The following NECAB1 variants were observed in gnomAD, a reference collection of about 807,000 sequenced individuals.
NECAB1 encodes N-terminal EF-hand calcium binding protein 1.
In NECAB1, 29 loss-of-function variants were observed where a neutral mutation model predicts 57.5. The observed-to-expected ratio is 0.50, with a 90% confidence interval of 0.38 to 0.69. The LOEUF (loss-of-function observed/expected upper bound fraction) is 0.69, where lower values mean the gene tolerates loss of function less well. NECAB1 is among the 30% of genes least tolerant of loss of function. The probability of loss-of-function intolerance (pLI) is 0.00; values close to 1 mark genes in which losing one functional copy is unlikely to be tolerated. For missense variants in NECAB1, 372 were observed against 413.8 expected (o/e 0.90, Z 0.88); for synonymous variants, 142 against 147.7 (o/e 0.96, Z 0.28).
At position 90,917,720 on chromosome 8, in the gene NECAB1, TAA is replaced by T. The variant is rs985295469; in HGVS notation, c.494+97_494+98del. ...GCATTGTACTTACACTAGCAAAAAC[TAA>T]AAAAGAGAATTGATATATTTAAAAA... On this transcript the variant is annotated intron_variant, in intron 6 of 12. Coordinates refer to ENST00000417640, the MANE Select transcript of NECAB1 (RefSeq NM_022351.5). 5 of 1,218,420 alleles carry T rather than the reference TAA, an allele frequency of 4.1e-6. No homozygotes were observed. In the African/African-American group the frequency reaches 4.6e-5, roughly 11 times the overall value. 75.5% of individuals were successfully genotyped at this position (1,218,420 alleles called of 1,614,324 possible).
intron 9 of NECAB1, among the ~76,000 whole-genome samples, chr8:90,938,671 G>A (rs1359026724): frequency 6.6e-6 from 1 of 152,170 alleles, no homozygotes; most frequent in African/African-American, 2.4e-5. Context: ...ACTATCTTAG[G>A]AAAGGAGGGG....
At chr8:90,906,885 A>ATATGTATATATATATATATATATGTATG (rs1554574058) in intron 5 of NECAB1, among the ~76,000 whole-genome samples, 2 of 120,926 alleles carry the variant, frequency 1.7e-5, no homozygotes, top group African/African-American at 7.0e-5. Flanking sequence ...ACATATATAT[A>ATATGTATATATATATATATATATGTATG]TATATATATA....
intron 3 of NECAB1, among the ~76,000 whole-genome samples, chr8:90,840,984 G>C (rs770648437): frequency 5.3e-5 from 8 of 151,266 alleles, no homozygotes; most frequent in Non-Finnish European, 1.0e-4. Flanking sequence ...AAAGCCGGGC[G>C]CAGTGGCTCA....
intron 9 of NECAB1, among the ~76,000 whole-genome samples, chr8:90,935,526 T>A (rs1316884145): frequency 6.6e-6 from 1 of 152,114 alleles, no homozygotes; most frequent in Non-Finnish European, 1.5e-5. Flanking sequence ...ATATACATAC[T>A]AAGAATAGCG....
At chr8:90,941,896 C>G (rs143465371) in intron 10 of NECAB1, among the ~76,000 whole-genome samples, 2 of 152,156 alleles carry the variant, frequency 1.3e-5, no homozygotes, top group African/African-American at 4.8e-5. Context: ...CAAGTCTAAC[C>G]CTACCTTATG....
chr8:90,895,132 G>A (rs540713404), intron 5 of NECAB1, among the ~76,000 whole-genome samples: 1 of 152,158 alleles, frequency 6.6e-6, no homozygotes, highest in South Asian at 2.1e-4. Context: ...ATTATCAAAA[G>A]TAAACAGAAA....
rs138273230 is a variant in NECAB1 at position 90,870,091 on chromosome 8, C to T, written c.234-2037C>T. On this transcript the variant is annotated intron_variant, in intron 3 of 12. Transcript: ENST00000417640. The stretch of plus-strand genomic sequence containing the variant: ...CTTCACTCTCTCTCTCTTCCTCCTG[C>T]TCCCACCATGTAAGAGGTGTTCACT... Among the ~76,000 whole-genome samples, 467 of 152,288 alleles carry T rather than the reference C, an allele frequency of 3.1e-3. 3 individuals are homozygous for T. The highest frequency in any genetic ancestry group is 6.8e-3 in the Middle Eastern group (2 of 294).
Position 90,893,178 on chromosome 8 carries a change from C to T in NECAB1, c.357+12048C>T, listed in dbSNP as rs189606207. ...TCCTCTAATATTCCTGGTGATACTA[C>T]GGGACTTAGCTTAACTGTCACTTCC... On this transcript the variant is annotated intron_variant, in intron 5 of 12. Coordinates refer to ENST00000417640, the MANE Select transcript of NECAB1 (RefSeq NM_022351.5). Among the ~76,000 whole-genome samples the T allele has an allele frequency of 4.4e-4, 67 of 152,132 alleles. No individual in the cohort carries two copies. In the East Asian group the frequency reaches 4.7e-3, roughly 11 times the overall value.
At position 90,881,406 on chromosome 8, in the gene NECAB1, T is replaced by C. The variant is rs375992882; in HGVS notation, c.357+276T>C. On this transcript the variant is annotated intron_variant, in intron 5 of 12. Transcript: ENST00000417640. ...AGTGTGTTAACTAAGTAGTATGTTTTGGATCTTGTCCCTCCCCAAATCCCA... is the reference window on the plus strand; with the variant it reads ...AGTGTGTTAACTAAGTAGTATGTTTCGGATCTTGTCCCTCCCCAAATCCCA... 9.2e-5 allele frequency among the ~76,000 whole-genome samples: 14 copies of C among 152,328 alleles called. No individual in the cohort carries two copies. The East Asian group carries it at 1.2e-3, about 13-fold the overall frequency.
chr8:90,908,046 T>C (rs1166574030), intron 5 of NECAB1, among the ~76,000 whole-genome samples: 2 of 152,196 alleles, frequency 1.3e-5, no homozygotes, highest in Non-Finnish European at 2.9e-5. Context: ...AGAGATCATA[T>C]ATGATATTTT....
intron 8 of NECAB1, 58 bp downstream of exon 8, chr8:90,928,357 A>G: frequency 7.6e-7 from 1 of 1,317,756 alleles, no homozygotes; most frequent in Non-Finnish European, 1.1e-6. Context: ...GTTACCTAAT[A>G]TTCCCCATTG....
At chr8:90,848,202 C>T (rs1812605114) in intron 3 of NECAB1, among the ~76,000 whole-genome samples, 1 of 152,228 alleles carries the variant, frequency 6.6e-6, no homozygotes, top group Non-Finnish European at 1.5e-5. Context: ...TGCCAGCAGT[C>T]TATTTGCTAA....
chr8:90,867,740 T>C (rs1460320089), intron 3 of NECAB1, among the ~76,000 whole-genome samples: 1 of 152,236 alleles, frequency 6.6e-6, no homozygotes, highest in Non-Finnish European at 1.5e-5. Context: ...TAAAAGTAAA[T>C]ATAAATACAA....
At chr8:90,924,697 A>G (rs1001065210) in intron 6 of NECAB1, among the ~76,000 whole-genome samples, 1 of 152,294 alleles carries the variant, frequency 6.6e-6, no homozygotes, top group South Asian at 2.1e-4. Context: ...CCATGTTCAC[A>G]TTCCAACCAG....
chr8:90,938,866 G>A (rs980853131), intron 9 of NECAB1, among the ~76,000 whole-genome samples: 6 of 152,174 alleles, frequency 3.9e-5, no homozygotes, highest in African/African-American at 1.4e-4. Flanking sequence ...TTGCAGGTAG[G>A]CAATTTAGGC....
In NECAB1 at chr8:90,934,355, T is replaced by G. The variant is rs1278784897; in HGVS notation, c.745T>G (p.Ser249Ala). ...EEEIIEGNTKSHIMLVQRQMS... is the reference protein window; with the variant it reads ...EEEIIEGNTKAHIMLVQRQMS... ...AGAAATTATTGAAGGGAATACTAAA[T>G]CTGTAAGTATTTTTATCAGGTAAAA... The change falls in exon 9 of 13, where the codon TCT (serine) becomes GCT (alanine). Residue 249 changes from serine to alanine, a missense_variant and splice_region_variant. By Grantham distance (99) the Ser-to-Ala change is moderately conservative. Coordinates refer to ENST00000417640, the MANE Select transcript of NECAB1 (RefSeq NM_022351.5). The G allele has an allele frequency of 2.7e-6, 4 of 1,484,972 alleles. No homozygotes were observed. In the African/African-American group the frequency reaches 4.2e-5, roughly 16 times the overall value. The allele number at this position is 1,484,972 out of a possible 1,614,324, so 92.0% of individuals were successfully genotyped here.
rs1449741620 is a variant in NECAB1, at chr8:90,955,533, T to C, written c.*21T>C. 7 of 1,545,754 alleles carry C rather than the reference T, an allele frequency of 4.5e-6. No homozygotes were observed. The highest frequency in any genetic ancestry group is 2.0e-5 in the Admixed American group (1 of 50,594). ...ACTAGATGTTCCTAGACATTTTCTT[T>C]ATGGTTCCAAGTGCAAAACAGGTGT... is the stretch of plus-strand genomic sequence containing the variant. On this transcript the variant is annotated 3_prime_UTR_variant, in exon 13 of 13. Coordinates refer to ENST00000417640, the MANE Select transcript of NECAB1 (RefSeq NM_022351.5).
At chr8:90,893,747 G>A (rs1405844122) in intron 5 of NECAB1, among the ~76,000 whole-genome samples, 1 of 152,166 alleles carries the variant, frequency 6.6e-6, no homozygotes, top group Non-Finnish European at 1.5e-5. Flanking sequence ...CCTGCAATGG[G>A]CCAGATGGAA....
intron 3 of NECAB1, among the ~76,000 whole-genome samples, chr8:90,854,257 G>C (rs955487042): frequency 6.6e-6 from 1 of 152,094 alleles, no homozygotes; most frequent in Non-Finnish European, 1.5e-5. Flanking sequence ...TCTTGGTGTT[G>C]ATCTTTTGAC....
Sources: gnomAD v4.1 joint callset for allele counts (sites outside exome capture counted in the v4.1 genomes callset) on GRCh38, gnomAD v4.1.1 for gene constraint, MANE v1.5 for transcripts, NCBI Gene and HGNC (gene_info 2026-07-23, HGNC 2026-07-21) for gene names.